Variants in RIN3 observed in about 807,000 individuals in gnomAD.
The protein encoded by RIN3 is Ras and Rab interactor 3, also known as RAB5 interacting protein 3.
A neutral mutation model predicts 76.3 loss-of-function variants in RIN3; 54 were observed. The observed-to-expected ratio is 0.71, with a 90% CI of 0.57 to 0.89. The LOEUF (loss-of-function observed/expected upper bound fraction) is 0.89. Among genes scored for constraint, RIN3 ranks in the 40% least tolerant of loss-of-function variants. The pLI, the probability that RIN3 is intolerant of heterozygous loss-of-function variation, is 0.00. For missense variants in RIN3, 1,256 were observed against 1,322.1 expected (o/e 0.95, Z 0.78); for synonymous variants, 576 against 564.0 (o/e 1.02, Z -0.30).
intron 3 of RIN3, among the ~76,000 whole-genome samples, chr14:92,610,423 G>T (rs947201820): frequency 6.6e-6 from 1 of 151,894 alleles, no homozygotes; most frequent in Admixed American, 6.6e-5. Context: ...GGCCCCTTTC[G>T]CCCAACTGTT....
intron 7 of RIN3, among the ~76,000 whole-genome samples, chr14:92,662,373 G>A (rs1027817111): frequency 6.6e-6 from 1 of 152,260 alleles, no homozygotes; most frequent in African/African-American, 2.4e-5. Context: ...AGGCAGGCTG[G>A]CCCTGGGACC....
In RIN3 at chr14:92,623,508, C is replaced by A. The variant is rs1886252869; in HGVS notation, c.440+8029C>A. On this transcript the variant is annotated intron_variant, in intron 4 of 9. Transcript: ENST00000216487. The surrounding 1 kb of genome is among the most constrained non-coding windows in gnomAD (Gnocchi z 4.9). ...AATCCTGCAGCTACTGGGTCTCGGG[C>A]TTTGAATCTATCAGGTACCCCCTGT... 6.6e-6 allele frequency among the ~76,000 whole-genome samples: 1 copy of A among 152,142 alleles called. No individual in the cohort carries two copies. The highest frequency in any genetic ancestry group is 1.5e-5 in the Non-Finnish European group (1 of 68,026).
chr14:92,547,047 T>A (rs1043368096), intron 1 of RIN3, among the ~76,000 whole-genome samples: 2 of 120,052 alleles, frequency 1.7e-5, no homozygotes, highest in Admixed American at 8.3e-5. Flanking sequence ...TTTATTTTAT[T>A]ATAATAAAAT....
intron 4 of RIN3, among the ~76,000 whole-genome samples, chr14:92,640,253 G>A (rs76279413): frequency 0.029 from 3,109 of 108,238 alleles, 159 homozygotes; most frequent in East Asian, 0.096. Context: ...TGTGTTCGTC[G>A]GGGGCTGCCT....
At chr14:92,628,801 A>T (rs10144490) in intron 4 of RIN3, among the ~76,000 whole-genome samples, 131,875 of 151,214 alleles carry the variant, frequency 0.87, 57,792 homozygotes, top group African/African-American at 0.93. Flanking sequence ...TATTTTTTTT[A>T]AAAAAAAGAA....
intron 3 of RIN3, among the ~76,000 whole-genome samples, chr14:92,613,711 G>C (rs909879684): frequency 1.3e-5 from 2 of 152,118 alleles, no homozygotes; most frequent in Non-Finnish European, 2.9e-5. Flanking sequence ...GAGGCACTGA[G>C]GGGGGAAAGG....
intron 1 of RIN3, among the ~76,000 whole-genome samples, chr14:92,548,275 G>A (rs1252236778): frequency 6.6e-6 from 1 of 152,080 alleles, no homozygotes; most frequent in Non-Finnish European, 1.5e-5. Flanking sequence ...GTGGTTAGAA[G>A]CGTAGACTCT....
At chr14:92,523,174 G>C (rs555065334) in intron 1 of RIN3, among the ~76,000 whole-genome samples, 3 of 152,132 alleles carry the variant, frequency 2.0e-5, no homozygotes, top group Non-Finnish European at 4.4e-5. Flanking sequence ...GTGCAGTGGC[G>C]ATCTTGGCTC....
intron 2 of RIN3, among the ~76,000 whole-genome samples, chr14:92,561,797 C>T (rs1897784530): frequency 6.6e-6 from 1 of 152,218 alleles, no homozygotes; most frequent in African/African-American, 2.4e-5. Flanking sequence ...ATTCTCCTGC[C>T]TCAGCTTCCT....
At chr14:92,646,915 A>G (rs975649697) in intron 5 of RIN3, among the ~76,000 whole-genome samples, 1 of 152,192 alleles carries the variant, frequency 6.6e-6, no homozygotes, top group African/African-American at 2.4e-5. Flanking sequence ...TTGTGCGAAT[A>G]TATTTGTGAC....
chr14:92,661,752 CACACACA>C (rs974741625), intron 7 of RIN3, among the ~76,000 whole-genome samples: 1 of 140,852 alleles, frequency 7.1e-6, no homozygotes, highest in African/African-American at 2.7e-5. Flanking sequence ...CACACACACA[CACACACA>C]AAAAATAGAA....
In RIN3 at chr14:92,688,133, C is replaced by A. The variant is rs372670216; in HGVS notation, c.2839C>A (p.Leu947Met). The change falls in exon 10 of 10, where the codon CTG becomes ATG. Residue 947 changes from leucine (L) to methionine (M), a missense_variant. Physicochemically the swap from Leu to Met is conservative, Grantham distance 15. Coordinates refer to ENST00000216487, the MANE Select transcript of RIN3 (RefSeq NM_024832.5). ...GCTGCCGCACTGCATCAAGGGCTAC[C>A]TGCTGCGCAGCGAGCCCAAGCGCGA... The part of the protein sequence containing the change: ...DALPHCIKGY[L>M]LRSEPKRDFH... 1.2e-6 allele frequency: 2 copies of A among 1,610,110 alleles called. No homozygotes were observed. Among genetic ancestry groups the A allele is most frequent in the Admixed American group, 1.7e-5 (1 of 59,872 alleles).
chr14:92,566,978 A>T (rs997099593), intron 2 of RIN3, among the ~76,000 whole-genome samples: 1 of 152,178 alleles, frequency 6.6e-6, no homozygotes, highest in Non-Finnish European at 1.5e-5. Flanking sequence ...ATTTAACACC[A>T]GTGGGTTGGT....
chr14:92,596,505 TC>T (rs1406083922), intron 3 of RIN3, among the ~76,000 whole-genome samples: 1 of 152,164 alleles, frequency 6.6e-6, no homozygotes, highest in Non-Finnish European at 1.5e-5. Flanking sequence ...TCTCCCATAT[TC>T]CTTATCCAAA....
chr14:92,671,655 C>T (rs765693679), intron 7 of RIN3, among the ~76,000 whole-genome samples: 5 of 152,144 alleles, frequency 3.3e-5, no homozygotes, highest in Non-Finnish European at 5.9e-5. Context: ...CAGTCCTGGG[C>T]CCCCTCCCTT....
chr14:92,577,345 C>T lies in RIN3; in HGVS notation c.250-15C>T, dbSNP rs1393153212. 6.3e-7 allele frequency: 1 copy of T among 1,593,488 alleles called. No homozygotes were observed. Among genetic ancestry groups the T allele is most frequent in the Admixed American group, 1.7e-5 (1 of 59,774 alleles). ...TCTTTAATTCACGGAGCTGCATCCC[C>T]TTCTTTGGTTTCAGATGTTCCTGGT... On this transcript the variant is annotated splice_polypyrimidine_tract_variant and intron_variant, in intron 2 of 9. Coordinates refer to ENST00000216487, the MANE Select transcript of RIN3 (RefSeq NM_024832.5).
At chr14:92,642,110 T>C (rs1290241312) in intron 5 of RIN3, among the ~76,000 whole-genome samples, 1 of 148,798 alleles carries the variant, frequency 6.7e-6, no homozygotes, top group African/African-American at 2.4e-5. Flanking sequence ...TTTCTTTCTT[T>C]CTTTTTTTTT....
chr14:92,641,269 C>T lies in RIN3; in HGVS notation c.472C>T (p.Gln158Ter), dbSNP rs1487431742. 6.8e-6 allele frequency: 11 copies of T among 1,614,064 alleles called. No homozygotes were observed. The highest frequency in any genetic ancestry group is 9.3e-6 in the Non-Finnish European group (11 of 1,179,992). ...DLLPFTLRLPQAILEASSFTD... is the reference protein window; with the variant it reads ...DLLPFTLRLP ...ACTGCCCTTCACACTGCGGCTACCC[C>T]AGGCCATCCTTGAGGCCAGCAGCTT... The change falls in exon 5 of 10, where the codon CAG becomes TAG. Residue 158 changes from glutamine (Q) to a stop codon, truncating the protein, a stop_gained. Transcript: ENST00000216487. LOFTEE classifies it high-confidence loss of function.
At chr14:92,632,401 A>G (rs955363940) in intron 4 of RIN3, among the ~76,000 whole-genome samples, 2 of 152,162 alleles carry the variant, frequency 1.3e-5, no homozygotes, top group Non-Finnish European at 2.9e-5. Flanking sequence ...GCTTTAGGGA[A>G]GGTATTACCG....
Sources: allele counts gnomAD v4.1 joint callset (sites outside exome capture counted in the v4.1 genomes callset), GRCh38; gene constraint gnomAD v4.1.1; non-coding constraint Gnocchi (gnomAD v3.1); transcripts MANE v1.5; gene names NCBI Gene and HGNC (gene_info 2026-07-23, HGNC 2026-07-21).